RBMS3: variants seen among roughly 807,000 people sequenced by gnomAD.
RBMS3 encodes the protein RNA binding motif single stranded interacting protein 3.
Under a neutral mutation model 66.8 loss-of-function variants are expected in RBMS3, and 27 were observed. The ratio of observed to expected loss-of-function variants is 0.40; its 90% CI spans 0.30 to 0.56. The LOEUF is 0.56. Among genes scored for constraint, RBMS3 ranks in the 20% least tolerant of loss-of-function variants. The pLI, the probability that RBMS3 is intolerant of heterozygous loss-of-function variation, is 0.40. For synonymous variants in RBMS3, 188 were observed against 183.0 expected (o/e 1.03, Z -0.22); for missense variants, 513 against 549.5 (o/e 0.93, Z 0.66).
Position 30,008,678 on chromosome 3 carries a change from G to A in RBMS3, c.*4816G>A, listed in dbSNP as rs1699873270. Reference sequence around the variant, plus strand: ...TACCCTTCCTGTGGCAAGTGATAATGGGATTTCATTAATGAATCAATTTGT... The same window carrying A: ...TACCCTTCCTGTGGCAAGTGATAATAGGATTTCATTAATGAATCAATTTGT... On this transcript the variant is annotated 3_prime_UTR_variant, in exon 15 of 15. Transcript: ENST00000383767. The A allele has an allele frequency of 6.6e-6, 1 of 152,064 alleles. No individual in the cohort carries two copies. Among genetic ancestry groups the A allele is most frequent in the Admixed American group, 6.6e-5 (1 of 15,256 alleles). The allele number at this position is 152,064 out of a possible 1,614,324, so 9.4% of individuals were successfully genotyped here. A position where few individuals can be genotyped will look rare whatever the true frequency, so the allele number is the denominator to read the frequency against.
chr3:29,433,390 A>G (rs973416517), intron 1 of RBMS3, among the ~76,000 whole-genome samples: 3 of 152,126 alleles, frequency 2.0e-5, no homozygotes, highest in Admixed American at 6.5e-5. Context: ...TTTGGGTAGC[A>G]TTTGGGGTCA....
chr3:29,396,426 T>G (rs1240207895), intron 1 of RBMS3, among the ~76,000 whole-genome samples: 1 of 152,150 alleles, frequency 6.6e-6, no homozygotes, highest in African/African-American at 2.4e-5. Flanking sequence ...TATTATGGGG[T>G]TAAATGGCAA....
At position 29,942,515 on chromosome 3, in the gene RBMS3, CCTGT is replaced by C. The variant is rs1165130452; in HGVS notation, c.1051-1690_1051-1687del. 4.0e-5 allele frequency among the ~76,000 whole-genome samples: 6 copies of C among 151,348 alleles called. 1 individual carries two copies. Among genetic ancestry groups the C allele is most frequent in the Admixed American group, 4.0e-4 (6 of 15,178 alleles). ...TTCAGCCTGAATGATGGAGTGAAAC[CCTGT>C]CGAAAGAGAAAGAGAGAGAAAGAGA... On this transcript the variant is annotated intron_variant, in intron 11 of 14. Transcript: ENST00000383767.
chr3:29,998,224 C>T (rs367572483), intron 14 of RBMS3, among the ~76,000 whole-genome samples: 1 of 152,142 alleles, frequency 6.6e-6, no homozygotes, highest in Non-Finnish European at 1.5e-5. Flanking sequence ...TGAAGGACCT[C>T]TTCAAGGAGA....
intron 8 of RBMS3, among the ~76,000 whole-genome samples, chr3:29,887,344 G>A (rs1255789113): frequency 6.6e-6 from 1 of 151,794 alleles, no homozygotes; most frequent in Non-Finnish European, 1.5e-5. Context: ...ATCCCCATGT[G>A]TCAAGAGAGA....
chr3:29,776,252 A>T (rs2056422890), intron 6 of RBMS3, among the ~76,000 whole-genome samples: 1 of 152,018 alleles, frequency 6.6e-6, no homozygotes, highest in Admixed American at 6.6e-5. Context: ...GGAAGAACAT[A>T]TGCTACAGAG....
chr3:29,996,598 C>A (rs1467182547), intron 14 of RBMS3, among the ~76,000 whole-genome samples: 1 of 149,840 alleles, frequency 6.7e-6, no homozygotes, highest in Non-Finnish European at 1.5e-5. Flanking sequence ...CAAACTAGAA[C>A]TCAGGATTAA....
At chr3:29,419,778 G>C (rs1228939638) in intron 1 of RBMS3, among the ~76,000 whole-genome samples, 3 of 152,150 alleles carry the variant, frequency 2.0e-5, no homozygotes. Flanking sequence ...ATGTAAGTTT[G>C]TGTGTAAATT....
intron 6 of RBMS3, among the ~76,000 whole-genome samples, chr3:29,816,178 T>C (rs1429146497): frequency 1.3e-5 from 2 of 152,040 alleles, no homozygotes; most frequent in Admixed American, 1.3e-4. Flanking sequence ...TCTCAGTCTT[T>C]TACTGGACCC....
At chr3:29,463,198 T>C (rs1306082007) in intron 2 of RBMS3, among the ~76,000 whole-genome samples, 5 of 152,210 alleles carry the variant, frequency 3.3e-5, no homozygotes, top group Admixed American at 3.3e-4. Flanking sequence ...TGTTAACATT[T>C]AACCTATTTT....
chr3:29,426,690 T>C (rs2040972701), intron 1 of RBMS3, among the ~76,000 whole-genome samples: 1 of 152,108 alleles, frequency 6.6e-6, no homozygotes, highest in African/African-American at 2.4e-5. Context: ...ATGACATAAT[T>C]TCATTTCAAG....
intron 1 of RBMS3, among the ~76,000 whole-genome samples, chr3:29,348,365 A>G (rs143629568): frequency 2.0e-5 from 3 of 152,300 alleles, no homozygotes; most frequent in Non-Finnish European, 4.4e-5. Context: ...AATATTAATA[A>G]TCGATGCAGG....
intron 1 of RBMS3, among the ~76,000 whole-genome samples, chr3:29,398,558 T>C (rs2039658582): frequency 6.6e-6 from 1 of 152,210 alleles, no homozygotes; most frequent in South Asian, 2.1e-4. Context: ...ATTTGAAAAC[T>C]CTTCTGAATT....
chr3:29,321,888 G>T (rs146929367), intron 1 of RBMS3, among the ~76,000 whole-genome samples: 1 of 152,050 alleles, frequency 6.6e-6, no homozygotes, highest in Non-Finnish European at 1.5e-5. Flanking sequence ...AAACTAAGCG[G>T]CTCTAAATGG....
intron 6 of RBMS3, among the ~76,000 whole-genome samples, chr3:29,845,656 G>T (rs1050879720): frequency 6.6e-6 from 1 of 152,070 alleles, no homozygotes; most frequent in South Asian, 2.1e-4. Context: ...GATAAACAAT[G>T]GACAAAATAC....
intron 4 of RBMS3, among the ~76,000 whole-genome samples, chr3:29,710,397 A>T (rs2053112398): frequency 6.6e-6 from 1 of 152,182 alleles, no homozygotes; most frequent in Non-Finnish European, 1.5e-5. Flanking sequence ...ACTACTACAT[A>T]CATTTTCTCT....
At chr3:29,542,119 A>G (rs1277406503) in intron 3 of RBMS3, among the ~76,000 whole-genome samples, 1 of 152,208 alleles carries the variant, frequency 6.6e-6, no homozygotes, top group Non-Finnish European at 1.5e-5. Context: ...CAGACCCTGT[A>G]TGTCCAGGAT....
At chr3:29,950,453 T>G (rs1695608161) in intron 12 of RBMS3, among the ~76,000 whole-genome samples, 1 of 151,834 alleles carries the variant, frequency 6.6e-6, no homozygotes, top group African/African-American at 2.4e-5. Context: ...AATCAGCACA[T>G]CTGGTACTGA....
chr3:29,832,392 T>A (rs2058391692), intron 6 of RBMS3, among the ~76,000 whole-genome samples: 1 of 152,208 alleles, frequency 6.6e-6, no homozygotes, highest in Non-Finnish European at 1.5e-5. Flanking sequence ...CTGATTTTGA[T>A]AAGTACCAAT....
Sources: allele counts gnomAD v4.1 joint callset (sites outside exome capture counted in the v4.1 genomes callset), GRCh38; gene constraint gnomAD v4.1.1; transcripts MANE v1.5; gene names NCBI Gene and HGNC (gene_info 2026-07-23, HGNC 2026-07-21).